Variants in UHRF1 observed in about 807,000 individuals in gnomAD.
UHRF1 encodes ubiquitin like with PHD and ring finger domains 1, also known as E3 ubiquitin-protein ligase UHRF1.
A neutral mutation model predicts 96.5 loss-of-function variants in UHRF1; 9 were observed. The observed-to-expected ratio is 0.09, with a 90% CI of 0.06 to 0.16. The LOEUF (loss-of-function observed/expected upper bound fraction) is 0.16. Among genes scored for constraint, UHRF1 ranks in the 10% least tolerant of loss-of-function variants. UHRF1 has a pLI of 1.00. For synonymous variants in UHRF1, 455 were observed against 469.9 expected, an observed-to-expected ratio of 0.97 and a Z score of 0.41; for missense variants, 626 against 1,131.1, an observed-to-expected ratio of 0.55 and a Z score of 6.40.
At chr19:4,960,546 C>T (rs1462554836) in intron 16 of UHRF1, 111 bp from the exon 17 acceptor site, 14 of 1,457,014 alleles carry the variant, frequency 9.6e-6, no homozygotes, top group African/African-American at 1.4e-5. Flanking sequence ...GACTGAAGGT[C>T]AGAGGGGCCT....
Position 4,930,904 on chromosome 19 carries a change from G to A in UHRF1, c.569+28G>A, listed in dbSNP as rs1377519872. 1.2e-6 allele frequency: 2 copies of A among 1,612,440 alleles called. No individual in the cohort carries two copies. The highest frequency in any genetic ancestry group is 2.7e-5 in the African/African-American group (2 of 74,910). On this transcript the variant is annotated intron_variant, in intron 4 of 16. Coordinates refer to ENST00000650932, the MANE Select transcript of UHRF1 (RefSeq NM_001048201.3). The surrounding 1 kb of genome is among the most constrained non-coding windows in gnomAD (Gnocchi z 4.4). ...GAGTCATGGCAGGTGGGCGGGCCTG[G>A]GTATTCAGGCTCTGTGACGCGCATC...
chr19:4,921,246 C>T (rs963560023), intron 2 of UHRF1, among the ~76,000 whole-genome samples: 2 of 152,078 alleles, frequency 1.3e-5, no homozygotes, highest in Non-Finnish European at 2.9e-5. Flanking sequence ...TCGAGACCAG[C>T]CTGACCAACA....
intron 2 of UHRF1, among the ~76,000 whole-genome samples, chr19:4,923,568 C>T (rs2032771000): frequency 6.6e-6 from 1 of 152,218 alleles, no homozygotes; most frequent in South Asian, 2.1e-4. Flanking sequence ...TCAGGATGCT[C>T]ACGCCGCTCT....
chr19:4,949,085 A>G (rs931581603), intron 11 of UHRF1, among the ~76,000 whole-genome samples: 2 of 151,678 alleles, frequency 1.3e-5, no homozygotes, highest in African/African-American at 4.8e-5. Context: ...CAGTGAGCCA[A>G]GATTGCTCCA....
upstream of UHRF1, among the ~76,000 whole-genome samples, chr19:4,904,993 T>C (rs2032035248): frequency 6.6e-6 from 1 of 152,120 alleles, no homozygotes; most frequent in Non-Finnish European, 1.5e-5. Context: ...TTTTATGTGA[T>C]AGCTTTTGTG....
chr19:4,919,334 G>A (rs1378368909), intron 2 of UHRF1, among the ~76,000 whole-genome samples: 4 of 149,516 alleles, frequency 2.7e-5, no homozygotes, highest in Non-Finnish European at 1.5e-5. Context: ...GCAGAGTCTC[G>A]CTCTGTCACC....
At position 4,930,951 on chromosome 19, in the gene UHRF1, C is replaced by G. The variant is rs971234391; in HGVS notation, c.569+75C>G. ...CATCCTTGGCTGCGGGTGTTCAGGCCAGAGCTTGGCACTGTCTCGAGATGG... is the reference window on the plus strand; with the variant it reads ...CATCCTTGGCTGCGGGTGTTCAGGCGAGAGCTTGGCACTGTCTCGAGATGG... On this transcript the variant is annotated intron_variant, in intron 4 of 16. Transcript: ENST00000650932. The surrounding 1 kb of genome is among the most constrained non-coding windows in gnomAD (Gnocchi z 4.4). The G allele has an allele frequency of 6.3e-7, 1 of 1,576,372 alleles. No individual in the cohort carries two copies. The highest frequency in any genetic ancestry group is 8.7e-7 in the Non-Finnish European group (1 of 1,155,810).
chr19:4,958,661 A>C (rs1399381478), intron 16 of UHRF1, among the ~76,000 whole-genome samples: 1 of 152,130 alleles, frequency 6.6e-6, no homozygotes, highest in Non-Finnish European at 1.5e-5. Context: ...GTGACCTTCC[A>C]CCTTGATCTT....
chr19:4,936,804 A>C (rs920008218), intron 5 of UHRF1, among the ~76,000 whole-genome samples: 3 of 130,186 alleles, frequency 2.3e-5, no homozygotes, highest in East Asian at 2.1e-4. Flanking sequence ...GAGAGTCTGC[A>C]AAAAAAAAAA....
chr19:4,910,613 C>T, intron 1 of UHRF1: 5 of 364,534 alleles, frequency 1.4e-5, no homozygotes, highest in East Asian at 1.2e-4. Context: ...ATGGGTTGGA[C>T]CTTCTGCTTT....
chr19:4,947,249 A>G (rs774191798), intron 11 of UHRF1, 38 bp downstream of exon 11: 15 of 1,558,346 alleles, frequency 9.6e-6, no homozygotes, highest in Non-Finnish European at 5.3e-6. Context: ...TTGCTGATGC[A>G]TATCTGCCGA....
In UHRF1 at chr19:4,930,064, T is replaced by G. The variant is rs974019520; in HGVS notation, c.408+588T>G. 1.3e-4 allele frequency among the ~76,000 whole-genome samples: 20 copies of G among 152,314 alleles called. No individual in the cohort carries two copies. Among genetic ancestry groups the G allele is most frequent in the African/African-American group, 4.6e-4 (19 of 41,566 alleles). ...ATCTCGGCTCATTGCAACCTCCAAC[T>G]CCTGGGTTCAAGCAATTCTCGTGCC... On this transcript the variant is annotated intron_variant, in intron 3 of 16. Coordinates refer to ENST00000650932, the MANE Select transcript of UHRF1 (RefSeq NM_001048201.3). This position sits in a 1 kb window ranked among gnomAD's most constrained non-coding sequence, Gnocchi z 4.4.
chr19:4,932,733 C>A lies in UHRF1; in HGVS notation c.570-8C>A, dbSNP rs769908024. On this transcript the variant is annotated splice_polypyrimidine_tract_variant and splice_region_variant and intron_variant, in intron 4 of 16. Coordinates refer to ENST00000650932, the MANE Select transcript of UHRF1 (RefSeq NM_001048201.3). ...GCACGGGGTCTAAGGCCCGGGCTTT[C>A]CTCCCAGCTACCCGGAGAACGGCGT... The A allele has an allele frequency of 2.1e-5, 34 of 1,613,154 alleles. No individual in the cohort carries two copies. The highest frequency in any genetic ancestry group is 2.9e-5 in the Non-Finnish European group (34 of 1,179,506).
At chr19:4,931,700 C>A (rs2033057850) in intron 4 of UHRF1, among the ~76,000 whole-genome samples, 1 of 151,822 alleles carries the variant, frequency 6.6e-6, no homozygotes, top group South Asian at 2.1e-4. Context: ...AACTTCTGAC[C>A]TCGTGTTCCG....
chr19:4,916,835 A>G (rs988850908), intron 2 of UHRF1, among the ~76,000 whole-genome samples: 4 of 152,070 alleles, frequency 2.6e-5, no homozygotes, highest in Non-Finnish European at 2.9e-5. Context: ...CCTTCCCCCC[A>G]GGTCCCGTCA....
intron 13 of UHRF1, among the ~76,000 whole-genome samples, chr19:4,951,590 C>T (rs1469901453): frequency 6.6e-6 from 1 of 151,682 alleles, no homozygotes; most frequent in East Asian, 1.9e-4. Flanking sequence ...CCTGCCGCAT[C>T]TCAGAGTTGA....
chr19:4,927,067 AAAAACAAAAC>A (rs933112126), intron 2 of UHRF1, among the ~76,000 whole-genome samples: 6 of 151,910 alleles, frequency 3.9e-5, no homozygotes, highest in South Asian at 2.1e-4. Context: ...CCTCAAAACA[AAAAACAAAAC>A]AAAACAAAAC....
At chr19:4,949,952 C>G (rs536389270) in intron 11 of UHRF1, among the ~76,000 whole-genome samples, 1 of 151,994 alleles carries the variant, frequency 6.6e-6, no homozygotes, top group East Asian at 1.9e-4. Context: ...TCATTGTAGC[C>G]TCCACCTCCT....
At chr19:4,942,066 C>T (rs942011522) in intron 7 of UHRF1, 135 bp downstream of exon 7, 110 of 1,002,904 alleles carry the variant, frequency 1.1e-4, no homozygotes, top group Non-Finnish European at 1.4e-4. Context: ...GAGGCCGAGG[C>T]GGGAGGATCA....
Sources: gnomAD v4.1 joint callset for allele counts (sites outside exome capture counted in the v4.1 genomes callset) on GRCh38, gnomAD v4.1.1 for gene constraint, Gnocchi (gnomAD v3.1) non-coding constraint, MANE v1.5 for transcripts, NCBI Gene and HGNC (gene_info 2026-07-23, HGNC 2026-07-21) for gene names.